The following FMN1 variants were observed in gnomAD, a reference collection of about 807,000 sequenced individuals.
The protein encoded by FMN1 is formin 1.
A neutral mutation model predicts 132.4 loss-of-function variants in FMN1; 110 were observed. That is an observed-to-expected ratio of 0.83 (90% CI 0.71 to 0.97). FMN1 has a LOEUF of 0.97. Among genes scored for constraint, FMN1 ranks in the 50% least tolerant of loss-of-function variants. The pLI, the probability that FMN1 is intolerant of heterozygous loss-of-function variation, is 0.00. For missense variants in FMN1, 1,792 were observed against 1,705.3 expected (o/e 1.05, Z -0.90); for synonymous variants, 722 against 651.7 (o/e 1.11, Z -1.64).
intron 6 of FMN1, among the ~76,000 whole-genome samples, chr15:33,019,063 C>A (rs557152715): frequency 2.6e-5 from 4 of 152,302 alleles, no homozygotes; most frequent in Non-Finnish European, 5.9e-5. Context: ...ACTGCTGGCT[C>A]CGGCAGCCTG....
chr15:33,146,187 C>G (rs2140264725), intron 4 of FMN1, among the ~76,000 whole-genome samples: 1 of 152,144 alleles, frequency 6.6e-6, no homozygotes, highest in Admixed American at 6.5e-5. Context: ...TAGCGTGAAA[C>G]CCAGTCCTCA....
At chr15:33,191,320 C>T (rs1289511417) in intron 2 of FMN1, among the ~76,000 whole-genome samples, 1 of 151,940 alleles carries the variant, frequency 6.6e-6, no homozygotes, top group East Asian at 1.9e-4. Flanking sequence ...AGGCATAGTT[C>T]GAATAAGATG....
intron 6 of FMN1, among the ~76,000 whole-genome samples, chr15:33,029,873 A>C (rs183587758): frequency 6.6e-6 from 1 of 152,308 alleles, no homozygotes; most frequent in Non-Finnish European, 1.5e-5. Flanking sequence ...TTATCTTTTC[A>C]AAGGCCAGGT....
At chr15:33,143,808 G>C (rs768750930) in intron 4 of FMN1, among the ~76,000 whole-genome samples, 1 of 152,174 alleles carries the variant, frequency 6.6e-6, no homozygotes, top group Non-Finnish European at 1.5e-5. Flanking sequence ...TACTGTTTAT[G>C]AAACTGCAAA....
intron 17 of FMN1, among the ~76,000 whole-genome samples, chr15:32,839,282 T>C (rs2058694679): frequency 6.6e-6 from 1 of 152,074 alleles, no homozygotes; most frequent in Admixed American, 6.6e-5. Context: ...TTTTGAACCA[T>C]TCACGTAAAA....
Position 32,969,372 on chromosome 15 carries a change from A to G in FMN1, c.2329T>C (p.Trp777Arg), listed in dbSNP as rs575096486. Residue 777 changes from tryptophan to arginine, a missense_variant, in exon 8 of 21, where the codon TGG (tryptophan) becomes CGG (arginine). Physicochemically the swap from Trp to Arg is moderately radical, Grantham distance 101 (BLOSUM62 -3). Around this residue, in one of 3 missense-constraint regions of FMN1, gnomAD observed 1,150 missense variants for 1,043.1 expected, o/e 1.10. Coordinates refer to ENST00000616417, the MANE Select transcript of FMN1 (RefSeq NM_001277313.2). ...ENLKHELEHR[W>R]RGGCEERKDV... ...TTCCTCTCTTCACAACCCCCTCGCCATCTGTGTTCTAGCTCGTGTTTCAGA... is the reference window on the plus strand; with the variant it reads ...TTCCTCTCTTCACAACCCCCTCGCCGTCTGTGTTCTAGCTCGTGTTTCAGA... The G allele has an allele frequency of 5.1e-5, 83 of 1,613,916 alleles. No homozygotes were observed. In the South Asian group the frequency reaches 7.9e-4, roughly 15 times the overall value.
At chr15:32,979,218 C>T (rs1048114781) in intron 7 of FMN1, among the ~76,000 whole-genome samples, 1 of 152,138 alleles carries the variant, frequency 6.6e-6, no homozygotes, top group Non-Finnish European at 1.5e-5. Flanking sequence ...AATACTCAAA[C>T]AAGCTTTGAT....
intron 17 of FMN1, among the ~76,000 whole-genome samples, chr15:32,835,666 A>C (rs1270438866): frequency 6.6e-6 from 1 of 152,168 alleles, no homozygotes; most frequent in East Asian, 1.9e-4. Flanking sequence ...CTGAGTTGAC[A>C]ACCTTTCCTT....
chr15:32,833,855 T>C (rs1325080795), intron 17 of FMN1, among the ~76,000 whole-genome samples: 1 of 152,206 alleles, frequency 6.6e-6, no homozygotes, highest in Non-Finnish European at 1.5e-5. Flanking sequence ...CAAAGGAATG[T>C]GGGCATATTC....
In FMN1 at chr15:33,139,584, T is replaced by C. The variant is rs188712321; in HGVS notation, c.1867+13464A>G. Among the ~76,000 whole-genome samples, 135 of 152,320 alleles carry C rather than the reference T, an allele frequency of 8.9e-4. 1 individual carries two copies. The highest frequency in any genetic ancestry group is 3.2e-3 in the African/African-American group (132 of 41,570). On this transcript the variant is annotated intron_variant, in intron 4 of 20. Transcript: ENST00000616417. ...CCAGCCAGGGCGACAGAGCGAGACT[T>C]CTGTCTCTAAATAAATAAACAAATA...
intron 9 of FMN1, among the ~76,000 whole-genome samples, chr15:32,957,362 T>G (rs2928026): frequency 1.5e-5 from 2 of 131,588 alleles, no homozygotes; most frequent in African/African-American, 5.6e-5. Flanking sequence ...ACAATGAAGG[T>G]GGATTTCTGG....
intron 16 of FMN1, among the ~76,000 whole-genome samples, chr15:32,865,939 T>C (rs1216133878): frequency 6.6e-6 from 1 of 152,106 alleles, no homozygotes; most frequent in Non-Finnish European, 1.5e-5. Context: ...GTGCTAACTT[T>C]TGGAAAATTA....
chr15:32,950,930 T>C (rs927977442), intron 9 of FMN1, among the ~76,000 whole-genome samples: 1 of 152,194 alleles, frequency 6.6e-6, no homozygotes. Context: ...GCAGATGTGA[T>C]CTGTATGAAA....
chr15:32,881,962 CT>C lies in FMN1; in HGVS notation c.3835+6209del, dbSNP rs2059781951. On this transcript the variant is annotated intron_variant, in intron 16 of 20. Coordinates refer to ENST00000616417, the MANE Select transcript of FMN1 (RefSeq NM_001277313.2). ...CAGTTAGCCACATCAGACTAGTATG[CT>C]TTCTTTTGGGTCACGAAGGAATAAA... is the stretch of plus-strand genomic sequence containing the variant. Among the ~76,000 whole-genome samples, 3 of 152,172 alleles carry C rather than the reference CT, an allele frequency of 2.0e-5. No individual in the cohort carries two copies. The South Asian group carries it at 6.2e-4, about 32-fold the overall frequency.
chr15:33,023,814 A>AT (rs1457472061), intron 6 of FMN1, among the ~76,000 whole-genome samples: 1 of 152,218 alleles, frequency 6.6e-6, no homozygotes, highest in East Asian at 1.9e-4. Context: ...TTGAGGTTGC[A>AT]TTGAAATTTG....
intron 4 of FMN1, among the ~76,000 whole-genome samples, chr15:33,119,388 T>G (rs1962336730): frequency 6.6e-6 from 1 of 152,168 alleles, no homozygotes; most frequent in African/African-American, 2.4e-5. Flanking sequence ...ACATGATAGA[T>G]TCTCAGGACA....
chr15:33,016,346 A>C (rs1437103106), intron 6 of FMN1, among the ~76,000 whole-genome samples: 2 of 152,192 alleles, frequency 1.3e-5, no homozygotes, highest in East Asian at 3.9e-4. Flanking sequence ...TTATTCCAAA[A>C]TCTAAGAATA....
chr15:33,102,618 T>C (rs899963187), intron 4 of FMN1, among the ~76,000 whole-genome samples: 3 of 152,136 alleles, frequency 2.0e-5, no homozygotes, highest in African/African-American at 7.2e-5. Flanking sequence ...TTGGGTATTA[T>C]GGAGACCACA....
chr15:32,995,882 AGGCAATAAT>A (rs1296947763), intron 7 of FMN1, among the ~76,000 whole-genome samples: 1 of 152,246 alleles, frequency 6.6e-6, no homozygotes, highest in Non-Finnish European at 1.5e-5. Flanking sequence ...TCCTAGGAAG[AGGCAATAAT>A]GGAAATGAGC....
Sources: gnomAD v4.1 joint callset for allele counts (sites outside exome capture counted in the v4.1 genomes callset) on GRCh38, gnomAD v4.1.1 for gene constraint, gnomAD v4.1.1 regional missense constraint, MANE v1.5 for transcripts, NCBI Gene and HGNC (gene_info 2026-07-23, HGNC 2026-07-21) for gene names.